The following AP3B1 variants were observed in gnomAD, a reference collection of about 807,000 sequenced individuals.
AP3B1 encodes the protein AP-3 complex subunit beta-1.
In AP3B1, 61 loss-of-function variants were observed where a neutral mutation model predicts 132.5. The ratio of observed to expected loss-of-function variants is 0.46; its 90% CI spans 0.37 to 0.57. The LOEUF is 0.57. AP3B1 is among the 20% of genes least tolerant of loss of function. The probability of loss-of-function intolerance (pLI) is 0.00; values close to 1 mark genes in which losing one functional copy is unlikely to be tolerated. For synonymous variants in AP3B1, 388 were observed against 438.3 expected, an observed-to-expected ratio of 0.89 and a Z score of 1.43; for missense variants, 1,120 against 1,289.4, an observed-to-expected ratio of 0.87 and a Z score of 2.01.
chr5:78,048,823 A>AT (rs1301193458), intron 22 of AP3B1, among the ~76,000 whole-genome samples: 1 of 152,126 alleles, frequency 6.6e-6, no homozygotes, highest in African/African-American at 2.4e-5. Flanking sequence ...TTGGGATTCT[A>AT]TCATCTATCT....
downstream of AP3B1, chr5:78,001,637 T>C (rs1052124950): frequency 6.6e-6 from 1 of 152,234 alleles, no homozygotes; most frequent in Non-Finnish European, 1.5e-5. Context: ...TTCTTTTCAA[T>C]ATGTATGTTC....
chr5:78,114,241 C>A (rs1327466996), intron 18 of AP3B1, among the ~76,000 whole-genome samples: 1 of 152,026 alleles, frequency 6.6e-6, no homozygotes, highest in Non-Finnish European at 1.5e-5. Flanking sequence ...CAAAAACTTT[C>A]TTTTAAAGAA....
intron 22 of AP3B1, among the ~76,000 whole-genome samples, chr5:78,045,633 C>A (rs547060713): frequency 1.3e-5 from 2 of 152,222 alleles, no homozygotes; most frequent in South Asian, 4.1e-4. Context: ...TTTTGTACAT[C>A]AGACCAGATA....
At chr5:78,268,765 A>G (rs919079918) in intron 1 of AP3B1, among the ~76,000 whole-genome samples, 1 of 152,228 alleles carries the variant, frequency 6.6e-6, no homozygotes, top group African/African-American at 2.4e-5. Flanking sequence ...TTTGCTCTTC[A>G]TGGTTAACAG....
intron 3 of AP3B1, among the ~76,000 whole-genome samples, chr5:78,234,977 T>C (rs1014915374): frequency 2.0e-5 from 3 of 151,958 alleles, no homozygotes; most frequent in African/African-American, 7.3e-5. Flanking sequence ...TTGGTGTATG[T>C]GGGTGTGTGG....
At chr5:78,188,675 C>T (rs538129823) in intron 7 of AP3B1, among the ~76,000 whole-genome samples, 1 of 152,270 alleles carries the variant, frequency 6.6e-6, no homozygotes, top group East Asian at 1.9e-4. Flanking sequence ...GTGCTGATTC[C>T]TCAAAGATTT....
At chr5:78,162,657 T>C (rs1743435005) in intron 13 of AP3B1, among the ~76,000 whole-genome samples, 162 bp downstream of exon 13, 1 of 152,032 alleles carries the variant, frequency 6.6e-6, no homozygotes, top group South Asian at 2.1e-4. Context: ...AGAATATGCA[T>C]ATTTATGTGC....
At chr5:78,116,919 G>T (rs1751864215) in intron 17 of AP3B1, among the ~76,000 whole-genome samples, 1 of 152,046 alleles carries the variant, frequency 6.6e-6, no homozygotes, top group African/African-American at 2.4e-5. Context: ...CTGAAACCCT[G>T]CAGTGGCTCC....
At chr5:78,133,430 T>C (rs1223494177) in intron 15 of AP3B1, among the ~76,000 whole-genome samples, 8 of 152,206 alleles carry the variant, frequency 5.3e-5, no homozygotes, top group Non-Finnish European at 2.9e-5. Context: ...TGGCAGAAGA[T>C]AGAAGACCTC....
chr5:78,172,941 A>T (rs925973583), intron 11 of AP3B1, among the ~76,000 whole-genome samples: 1 of 152,164 alleles, frequency 6.6e-6, no homozygotes, highest in African/African-American at 2.4e-5. Context: ...AATGTGTCCC[A>T]GAGATTCTGG....
intron 7 of AP3B1, among the ~76,000 whole-genome samples, chr5:78,213,625 AG>A (rs1317814311): frequency 6.6e-6 from 1 of 152,188 alleles, no homozygotes; most frequent in African/African-American, 2.4e-5. Context: ...CCTTGAATTG[AG>A]GTCAACTGAT....
chr5:78,224,927 T>C (rs1746343263), intron 6 of AP3B1, among the ~76,000 whole-genome samples: 2 of 151,932 alleles, frequency 1.3e-5, no homozygotes, highest in African/African-American at 2.4e-5. Context: ...ATCAGCAAAG[T>C]AGAAGATTTG....
intron 17 of AP3B1, among the ~76,000 whole-genome samples, chr5:78,125,522 A>G (rs1047470655): frequency 2.6e-5 from 4 of 152,212 alleles, no homozygotes; most frequent in South Asian, 2.1e-4. Flanking sequence ...GAGAGACAAG[A>G]AAGATAATAC....
intron 19 of AP3B1, among the ~76,000 whole-genome samples, chr5:78,111,298 TTCATTTGTTCACCTGC>T (rs1751579406): frequency 6.6e-6 from 1 of 152,144 alleles, no homozygotes; most frequent in Non-Finnish European, 1.5e-5. Flanking sequence ...CTTAACACCA[TTCATTTGTTCACCTGC>T]TCAACAAATA....
chr5:78,048,073 G>T (rs1748417723), intron 22 of AP3B1, among the ~76,000 whole-genome samples: 2 of 152,318 alleles, frequency 1.3e-5, no homozygotes, highest in East Asian at 3.9e-4. Context: ...CTGCGCAATG[G>T]TGCCATACAG....
intron 22 of AP3B1, among the ~76,000 whole-genome samples, chr5:78,071,208 C>A (rs1386401105): frequency 6.6e-6 from 1 of 152,188 alleles, no homozygotes; most frequent in Non-Finnish European, 1.5e-5. Flanking sequence ...TACATATATT[C>A]CATGAAATAC....
At chr5:78,036,435 A>C (rs1747811152) in intron 23 of AP3B1, among the ~76,000 whole-genome samples, 1 of 152,176 alleles carries the variant, frequency 6.6e-6, no homozygotes, top group African/African-American at 2.4e-5. Context: ...CCACAACATT[A>C]ATATCAACAC....
At chr5:78,191,427 G>C (rs1025021266) in intron 7 of AP3B1, among the ~76,000 whole-genome samples, 1 of 147,640 alleles carries the variant, frequency 6.8e-6, no homozygotes, top group African/African-American at 2.5e-5. Context: ...AAGCTCAGTA[G>C]AGCTTTCAGC....
intron 21 of AP3B1, among the ~76,000 whole-genome samples, chr5:78,099,975 C>A (rs1272157319): frequency 6.6e-6 from 1 of 151,962 alleles, no homozygotes; most frequent in Non-Finnish European, 1.5e-5. Flanking sequence ...AAGAGCTGTA[C>A]CTATTTATAT....
Sources: allele counts gnomAD v4.1 joint callset (sites outside exome capture counted in the v4.1 genomes callset), GRCh38; gene constraint gnomAD v4.1.1; transcripts MANE v1.5; gene names NCBI Gene and HGNC (gene_info 2026-07-23, HGNC 2026-07-21).